GART: variants seen among roughly 807,000 people sequenced by gnomAD.
GART encodes trifunctional purine biosynthetic protein adenosine-3.
Under a neutral mutation model 107.2 loss-of-function variants are expected in GART, and 43 were observed. That is an observed-to-expected ratio of 0.40 (90% CI 0.31 to 0.52). GART has a LOEUF of 0.52. Among genes scored for constraint, GART ranks in the 20% least tolerant of loss-of-function variants. The pLI is 0.52. For missense variants in GART, 1,107 were observed against 1,206.5 expected, an observed-to-expected ratio of 0.92 and a Z score of 1.22; for synonymous variants, 434 against 427.0, an observed-to-expected ratio of 1.02 and a Z score of -0.20.
At chr21:33,525,309 G>A (rs2085052306) in intron 10 of GART, among the ~76,000 whole-genome samples, 1 of 152,164 alleles carries the variant, frequency 6.6e-6, no homozygotes, top group African/African-American at 2.4e-5. Context: ...TTGGGAGTTT[G>A]AGGCTGCAGT....
chr21:33,507,711 A>G (rs1238629836), intron 18 of GART, among the ~76,000 whole-genome samples: 1 of 152,162 alleles, frequency 6.6e-6, no homozygotes, highest in East Asian at 1.9e-4. Flanking sequence ...AGGTGCCTGT[A>G]ATCCCAGCTA....
chr21:33,525,434 C>A (rs1040432457), intron 10 of GART, among the ~76,000 whole-genome samples: 10 of 152,158 alleles, frequency 6.6e-5, no homozygotes, highest in African/African-American at 2.2e-4. Context: ...CCCTATCAGA[C>A]AGGTCTTCTT....
rs1447652014 is a variant in GART, at chr21:33,533,214, C to T, written c.417-758G>A. On this transcript the variant is annotated intron_variant, in intron 4 of 21. Transcript: ENST00000381815. ...CAGCACTTTGGGAGGCCGAGGCGGG[C>T]GGATCACGAGGTCAGGAGATCGAGA... Among the ~76,000 whole-genome samples, 6 of 151,730 alleles carry T rather than the reference C, an allele frequency of 4.0e-5. No individual in the cohort carries two copies. The South Asian group carries it at 8.3e-4, about 21-fold the overall frequency.
At position 33,539,246 on chromosome 21, in the gene GART, A is replaced by T; in HGVS notation, c.70T>A (p.Ser24Thr). Residue 24 changes from serine to threonine, a missense_variant, in exon 2 of 22, where the codon TCT becomes ACT. By Grantham distance (58) the Ser-to-Thr change is moderately conservative. Coordinates refer to ENST00000381815, the MANE Select transcript of GART (RefSeq NM_000819.5). ...EHTLAWKLAQ[S>T]HHVKQVLVAP... ...ACCAACACTTGTTTGACATGATGAG[A>T]CTGTGCAAGTTTCCAGGCCAGCGTA... 3.7e-6 allele frequency: 6 copies of T among 1,614,152 alleles called. No individual in the cohort carries two copies. Among genetic ancestry groups the T allele is most frequent in the Non-Finnish European group, 5.1e-6 (6 of 1,180,012 alleles).
upstream of GART, chr21:33,542,792 C>G (rs115595683): frequency 2.2e-6 from 1 of 455,124 alleles, no homozygotes; most frequent in East Asian, 4.0e-5. Context: ...ACAACTTATG[C>G]GGACACGGTC....
In GART at chr21:33,522,199, G is replaced by T. The variant is rs2084986067; in HGVS notation, c.1382C>A (p.Thr461Asn). 6.2e-7 allele frequency: 1 copy of T among 1,612,586 alleles called. No homozygotes were observed. Among genetic ancestry groups the T allele is most frequent in the Admixed American group, 1.7e-5 (1 of 60,000 alleles). ...VKKIQPLAKA[T>N]SRSGCKVDLG... is the part of the protein sequence containing the mutation. Reference sequence around the variant, plus strand: ...ATAGGATCACTGACCTGATCTGGAAGTGGCTTTTGCTAAAGGCTGAATTTT... The same window carrying T: ...ATAGGATCACTGACCTGATCTGGAATTGGCTTTTGCTAAAGGCTGAATTTT... Residue 461 changes from threonine to asparagine, a missense_variant, in exon 12 of 22, where the codon ACT (threonine) becomes AAT (asparagine). Physicochemically the swap from Thr to Asn is moderately conservative, Grantham distance 65 (BLOSUM62 0). Coordinates refer to ENST00000381815, the MANE Select transcript of GART (RefSeq NM_000819.5).
chr21:33,538,449 T>G (rs1029754059), intron 2 of GART, among the ~76,000 whole-genome samples: 2 of 152,006 alleles, frequency 1.3e-5, no homozygotes, highest in African/African-American at 2.4e-5. Flanking sequence ...CCCTGGCTAG[T>G]CTCAAACTGC....
intron 10 of GART, among the ~76,000 whole-genome samples, chr21:33,526,517 CTTCTTT>C (rs2145729816): frequency 6.6e-6 from 1 of 151,976 alleles, no homozygotes; most frequent in Non-Finnish European, 1.5e-5. Flanking sequence ...ATTAAAGCTG[CTTCTTT>C]TTTTCTTTTT....
At position 33,522,170 on chromosome 21, in the gene GART, A is replaced by G. The variant is rs762361899; in HGVS notation, c.1393+18T>C. On this transcript the variant is annotated intron_variant, in intron 12 of 21. Coordinates refer to ENST00000381815, the MANE Select transcript of GART (RefSeq NM_000819.5). ...GTATATCAAAGTTAATGAATTAGCA[A>G]AGTATAGGATCACTGACCTGATCTG... 1.3e-6 allele frequency: 2 copies of G among 1,578,594 alleles called. No homozygotes were observed. The highest frequency in any genetic ancestry group is 4.5e-5 in the East Asian group (2 of 44,726).
At position 33,539,164 on chromosome 21, in the gene GART, T is replaced by C. The variant is rs979685629; in HGVS notation, c.145+7A>G. The C allele has an allele frequency of 6.2e-7, 1 of 1,609,734 alleles. No homozygotes were observed. Among genetic ancestry groups the C allele is most frequent in the South Asian group, 1.1e-5 (1 of 90,468 alleles). On this transcript the variant is annotated splice_region_variant and intron_variant, in intron 2 of 21. Coordinates refer to ENST00000381815, the MANE Select transcript of GART (RefSeq NM_000819.5). ...AACTATTACTCCCCACTTTAAAACA[T>C]GATTACCGGTATTTGAAATCTTTTC...
intron 14 of GART, chr21:33,519,088 A>T: frequency 3.4e-6 from 1 of 292,810 alleles, no homozygotes; most frequent in East Asian, 8.8e-5. Context: ...TTCCATCATT[A>T]CGCAATTGTG....
intron 5 of GART, 69 bp from the exon 6 acceptor site, chr21:33,531,626 G>C: frequency 7.3e-7 from 1 of 1,367,264 alleles, no homozygotes; most frequent in Admixed American, 2.1e-5. Flanking sequence ...ATACTTAGTT[G>C]ACTTTTAGCA....
At chr21:33,537,384 A>G (rs1199673634) in intron 2 of GART, among the ~76,000 whole-genome samples, 1 of 152,220 alleles carries the variant, frequency 6.6e-6, no homozygotes, top group Non-Finnish European at 1.5e-5. Flanking sequence ...CTTTCCATAA[A>G]TATTATGTGC....
chr21:33,541,231 G>A (rs1432400082), intron 1 of GART, among the ~76,000 whole-genome samples: 8 of 152,130 alleles, frequency 5.3e-5, no homozygotes, highest in Admixed American at 3.3e-4. Context: ...TACAACCTCC[G>A]CCTCCCGGGT....
rs1041481437 is a variant in GART, at chr21:33,517,385, T to A, written c.1926A>T (p.Ala642=). 3 of 1,613,988 alleles carry A rather than the reference T, an allele frequency of 1.9e-6. No homozygotes were observed. In the African/African-American group the frequency reaches 4.0e-5, roughly 22 times the overall value. ...AKSSLQYSSP[A]PDGCGDQTLG... is the part of the protein sequence containing the mutation. ...AAGTCTGGTCACCACAACCATCAGGTGCTGGAGAGGAGTACTGGAGGGAAG... is the reference window on the plus strand; with the variant it reads ...AAGTCTGGTCACCACAACCATCAGGAGCTGGAGAGGAGTACTGGAGGGAAG... The change falls in exon 15 of 22, where the codon GCA becomes GCT. Residue 642 remains alanine, a synonymous_variant. Transcript: ENST00000381815.
At position 33,504,197 on chromosome 21, in the gene GART, G is replaced by C. The variant is rs1265040713; in HGVS notation, c.2960C>G (p.Ala987Gly). The C allele has an allele frequency of 1.2e-6, 2 of 1,614,050 alleles. No individual in the cohort carries two copies. Among genetic ancestry groups the C allele is most frequent in the Admixed American group, 1.7e-5 (1 of 59,996 alleles). Residue 987 changes from alanine to glycine, a missense_variant, in exon 22 of 22, where the codon GCC (alanine) becomes GGC (glycine). Coordinates refer to ENST00000381815, the MANE Select transcript of GART (RefSeq NM_000819.5). The part of the protein sequence containing the change: ...KLAEHKIFPA[A>G]LQLVASGTVQ... The stretch of plus-strand genomic sequence containing the variant: ...AGTTCCACTGGCCACCAGCTGAAGG[G>C]CTGCAGGAAATATTTTATGTTCTGC...
intron 4 of GART, 63 bp from the exon 5 acceptor site, chr21:33,532,519 T>G: frequency 8.2e-7 from 1 of 1,224,908 alleles, no homozygotes; most frequent in South Asian, 1.2e-5. Context: ...TTTAAAATGC[T>G]GTGGGATTTT....
At chr21:33,513,791 C>G (rs376716797) in intron 16 of GART, among the ~76,000 whole-genome samples, 1 of 152,102 alleles carries the variant, frequency 6.6e-6, no homozygotes, top group South Asian at 2.1e-4. Context: ...AATGATGCTA[C>G]TAAGACAAGG....
At chr21:33,526,603 T>C (rs569731272) in intron 10 of GART, among the ~76,000 whole-genome samples, 9 of 152,116 alleles carry the variant, frequency 5.9e-5, no homozygotes, top group South Asian at 2.1e-4. Context: ...ATATGATCAG[T>C]ACAATGCAAA....
Sources: gnomAD v4.1 joint callset for allele counts (sites outside exome capture counted in the v4.1 genomes callset) on GRCh38, gnomAD v4.1.1 for gene constraint, MANE v1.5 for transcripts, NCBI Gene and HGNC (gene_info 2026-07-23, HGNC 2026-07-21) for gene names.